Variants in FAP observed in about 807,000 individuals in gnomAD.
FAP encodes the protein fibroblast activation protein alpha, also known as prolyl endopeptidase FAP.
Under a neutral mutation model 126.5 loss-of-function variants are expected in FAP, and 110 were observed. The ratio of observed to expected loss-of-function variants is 0.87; its 90% CI spans 0.74 to 1.02. The LOEUF (loss-of-function observed/expected upper bound fraction) is 1.02. Ranked by LOEUF, FAP falls within the 50% of genes least tolerant of loss-of-function variation. The probability of loss-of-function intolerance (pLI) is 0.00; values close to 1 mark genes in which losing one functional copy is unlikely to be tolerated. For missense variants in FAP, 919 were observed against 909.2 expected, an observed-to-expected ratio of 1.01 and a Z score of -0.14; for synonymous variants, 334 against 297.3, an observed-to-expected ratio of 1.12 and a Z score of -1.27.
rs996632036 is a variant in FAP, at chr2:162,211,666, T to A, written c.1003-1670A>T. ...ATAAGACTCGGAAAAAATAGTGAAA[T>A]TTTTGGATTTATTATTTTTAGCCAT... On this transcript the variant is annotated intron_variant, in intron 11 of 25. Coordinates refer to ENST00000188790, the MANE Select transcript of FAP (RefSeq NM_004460.5). Among the ~76,000 whole-genome samples the A allele has an allele frequency of 9.2e-5, 14 of 152,190 alleles. No individual in the cohort carries two copies. In the East Asian group the frequency reaches 9.6e-4, roughly 10 times the overall value.
intron 12 of FAP, among the ~76,000 whole-genome samples, chr2:162,203,679 T>C (rs1688586297): frequency 6.6e-6 from 1 of 152,130 alleles, no homozygotes; most frequent in Non-Finnish European, 1.5e-5. Flanking sequence ...AAAAGTTGCC[T>C]ATGTTGGGGG....
chr2:162,173,773 C>T lies in FAP; in HGVS notation c.1984G>A (p.Glu662Lys). 1 of 1,601,916 alleles carries T rather than the reference C, an allele frequency of 6.2e-7. No homozygotes were observed. The highest frequency in any genetic ancestry group is 8.6e-7 in the Non-Finnish European group (1 of 1,169,318). ...TTTGTTGGGAGACCCATGAATCTCT[C>T]TGTGTAGACAGACGCTATAAAATAT... The part of the protein sequence containing the change: ...SWEYYASVYT[E>K]RFMGLPTKDD... The change falls in exon 23 of 26, where the codon GAG (glutamate) becomes AAG (lysine). Residue 662 changes from glutamate to lysine, a missense_variant. Coordinates refer to ENST00000188790, the MANE Select transcript of FAP (RefSeq NM_004460.5).
At chr2:162,209,819 ATG>A (rs1240939630) in intron 12 of FAP, 131 bp downstream of exon 12, 3 of 701,444 alleles carry the variant, frequency 4.3e-6, no homozygotes, top group Non-Finnish European at 7.4e-6. Context: ...ATCACTACCT[ATG>A]TGTTTTATAC....
chr2:162,216,479 A>G (rs1216548836), intron 9 of FAP, among the ~76,000 whole-genome samples: 1 of 152,214 alleles, frequency 6.6e-6, no homozygotes, highest in African/African-American at 2.4e-5. Context: ...CCAAATGCTC[A>G]GTCTCCTACC....
intron 16 of FAP, among the ~76,000 whole-genome samples, chr2:162,196,776 GT>G (rs1481310259): frequency 1.3e-5 from 2 of 152,244 alleles, no homozygotes; most frequent in East Asian, 3.9e-4. Flanking sequence ...AGATTTCAAG[GT>G]TTTTCCTATG....
intron 21 of FAP, chr2:162,176,180 T>C (rs1023269045): frequency 3.3e-5 from 5 of 151,750 alleles, no homozygotes; most frequent in Non-Finnish European, 7.4e-5. Flanking sequence ...GAGAGAGAGG[T>C]AGACAGACAT....
chr2:162,207,208 A>T (rs1189567733), intron 12 of FAP, among the ~76,000 whole-genome samples: 1 of 152,208 alleles, frequency 6.6e-6, no homozygotes, highest in African/African-American at 2.4e-5. Context: ...GCTATATAAA[A>T]TTGTGGCCAG....
chr2:162,176,312 T>C (rs1316835352), intron 21 of FAP: 1 of 152,176 alleles, frequency 6.6e-6, no homozygotes, highest in African/African-American at 2.4e-5. Flanking sequence ...CAAACTAATT[T>C]ACAGTTCTTT....
chr2:162,216,388 T>C (rs1689161857), intron 9 of FAP, among the ~76,000 whole-genome samples: 1 of 152,174 alleles, frequency 6.6e-6, no homozygotes, highest in Non-Finnish European at 1.5e-5. Flanking sequence ...CAGAGGGTGA[T>C]TAATTTGAGA....
chr2:162,218,150 A>G lies in FAP; in HGVS notation c.608-10T>C. ...GTAGCAAGCATTTCCTCTGAAAAAT[A>G]AGTACTAGGATATTAACTATAATTA... On this transcript the variant is annotated splice_polypyrimidine_tract_variant and intron_variant, in intron 8 of 25. Coordinates refer to ENST00000188790, the MANE Select transcript of FAP (RefSeq NM_004460.5). The G allele has an allele frequency of 1.3e-6, 2 of 1,574,360 alleles. No individual in the cohort carries two copies. The highest frequency in any genetic ancestry group is 4.6e-5 in the East Asian group (2 of 43,872).
chr2:162,223,503 A>G, intron 6 of FAP, 105 bp downstream of exon 6: 1 of 750,982 alleles, frequency 1.3e-6, no homozygotes, highest in Non-Finnish European at 2.3e-6. Context: ...GTAAGAAACA[A>G]AGATCATTAA....
At chr2:162,236,448 G>GTT (rs201709257) in intron 2 of FAP, among the ~76,000 whole-genome samples, 4 of 133,084 alleles carry the variant, frequency 3.0e-5, no homozygotes, top group South Asian at 2.4e-4. Flanking sequence ...TTATGTTTTT[G>GTT]TTTTTTTTTT....
rs770331133 is a variant in FAP at position 162,225,526 on chromosome 2, A to G, written c.242T>C (p.Ile81Thr). The change falls in exon 4 of 26, where the codon ATT becomes ACT. Residue 81 changes from isoleucine (I) to threonine (T), a missense_variant. Transcript: ENST00000188790. ...SADNNIVLYN[I>T]ETGQSYTILS... The stretch of plus-strand genomic sequence containing the variant: ...AATGGTATATGATTGTCCTGTTTCA[A>G]TATTATAAAGTACTATATTGTTATC... The G allele has an allele frequency of 2.5e-6, 4 of 1,601,088 alleles. No homozygotes were observed. The highest frequency in any genetic ancestry group is 1.7e-6 in the Non-Finnish European group (2 of 1,172,694).
intron 20 of FAP, among the ~76,000 whole-genome samples, chr2:162,185,286 C>T (rs1194608526): frequency 6.6e-6 from 1 of 152,140 alleles, no homozygotes; most frequent in Non-Finnish European, 1.5e-5. Context: ...AATTATTATC[C>T]TATTTTAGAA....
At chr2:162,217,632 GCATT>G (rs1450816742) in intron 9 of FAP, among the ~76,000 whole-genome samples, 1 of 152,118 alleles carries the variant, frequency 6.6e-6, no homozygotes, top group Non-Finnish European at 1.5e-5. Context: ...ATTCTAGTTT[GCATT>G]TACATGAGAA....
At chr2:162,241,539 C>T (rs184918152) in intron 2 of FAP, among the ~76,000 whole-genome samples, 245 of 152,198 alleles carry the variant, frequency 1.6e-3, no homozygotes, top group Non-Finnish European at 6.0e-4. Context: ...ACTTTTGTTC[C>T]AAGAACATTT....
chr2:162,173,318 T>G (rs1387090953), intron 23 of FAP, 97 bp from the exon 24 acceptor site: 2 of 840,554 alleles, frequency 2.4e-6, no homozygotes, highest in South Asian at 2.8e-5. Context: ...AATACTGAAA[T>G]TATGTATTGC....
chr2:162,210,030 T>C, intron 11 of FAP, 34 bp from the exon 12 acceptor site: 2 of 1,593,354 alleles, frequency 1.3e-6, no homozygotes, highest in Non-Finnish European at 1.7e-6. Context: ...AACATAGTAT[T>C]AGGAGAACAT....
intron 2 of FAP, among the ~76,000 whole-genome samples, chr2:162,237,695 A>G (rs1013285037): frequency 6.6e-6 from 1 of 152,252 alleles, no homozygotes; most frequent in African/African-American, 2.4e-5. Flanking sequence ...AGAATGATTT[A>G]TAATCCTTTG....
Sources: gnomAD v4.1 joint callset for allele counts (sites outside exome capture counted in the v4.1 genomes callset) on GRCh38, gnomAD v4.1.1 for gene constraint, MANE v1.5 for transcripts, NCBI Gene and HGNC (gene_info 2026-07-23, HGNC 2026-07-21) for gene names.